ZNF57: variants seen among roughly 807,000 people sequenced by gnomAD.
ZNF57 encodes the protein zinc finger protein 424.
Under a neutral mutation model 13.4 loss-of-function variants are expected in ZNF57, and 11 were observed. The ratio of observed to expected loss-of-function variants is 0.82; its 90% CI spans 0.52 to 1.36. ZNF57 has a LOEUF of 1.36. ZNF57 is among the 40% of genes most tolerant of loss of function. ZNF57 has a pLI of 0.00. For missense variants in ZNF57, 696 were observed against 667.5 expected, an observed-to-expected ratio of 1.04 and a Z score of -0.47; for synonymous variants, 224 against 238.5, an observed-to-expected ratio of 0.94 and a Z score of 0.56.
Position 2,917,330 on chromosome 19 carries a change from G to A in ZNF57, c.709G>A (p.Ala237Thr), listed in dbSNP as rs776708104. The change falls in exon 4 of 4, where the codon GCA (alanine) becomes ACA (threonine). Residue 237 changes from alanine (A) to threonine (T), a missense_variant. Transcript: ENST00000306908. ...EQCRMAFNGF[A>T]SFTRHVRTHT... ...GTGTCGGATGGCGTTTAATGGGTTCGCAAGCTTCACTAGACATGTGAGAAC... is the reference window on the plus strand; with the variant it reads ...GTGTCGGATGGCGTTTAATGGGTTCACAAGCTTCACTAGACATGTGAGAAC... 30 of 1,614,066 alleles carry A rather than the reference G, an allele frequency of 1.9e-5. No individual in the cohort carries two copies. The Admixed American group carries it at 2.3e-4, about 13-fold the overall frequency.
Position 2,916,230 on chromosome 19 carries a change from G to C in ZNF57, c.283G>C (p.Asp95His). Residue 95 changes from aspartate (D) to histidine (H), a missense_variant, in exon 3 of 4, where the codon GAC (aspartate) becomes CAC (histidine). By Grantham distance (81) the Asp-to-His change is moderately conservative. Around this residue, in one of 3 missense-constraint regions of ZNF57, gnomAD observed 645 missense variants for 591.5 expected, o/e 1.09. Coordinates refer to ENST00000306908, the MANE Select transcript of ZNF57 (RefSeq NM_173480.3). ...EKNCEGYGTE[D>H]HHKNLRNHMV... ...AAATTGTGAAGGCTATGGCACTGAA[G>C]ACCACCACAAAAATCTGAGGTGAGT... is the stretch of plus-strand genomic sequence containing the variant. The C allele has an allele frequency of 1.2e-6, 2 of 1,607,318 alleles. No individual in the cohort carries two copies. The highest frequency in any genetic ancestry group is 1.7e-6 in the Non-Finnish European group (2 of 1,177,666).
At chr19:2,916,488 G>A (rs965175691) in intron 3 of ZNF57, 24 of 345,986 alleles carry the variant, frequency 6.9e-5, no homozygotes, top group African/African-American at 2.6e-4. Flanking sequence ...TGAGGCAGGC[G>A]GATCACGAGG....
At position 2,917,847 on chromosome 19, in the gene ZNF57, G is replaced by A. The variant is rs144519491; in HGVS notation, c.1226G>A (p.Gly409Asp). Residue 409 changes from glycine to aspartate, a missense_variant, in exon 4 of 4, where the codon GGT becomes GAT. By Grantham distance (94) the Gly-to-Asp change is moderately conservative (BLOSUM62 -1). This residue lies in a region of ZNF57 where 645 missense variants were observed against 591.5 expected (regional missense o/e 1.09). Transcript: ENST00000306908. The stretch of plus-strand genomic sequence containing the variant: ...TTTACCTCTTCCAGATCATTCCGAG[G>A]TCATTTGAGGACGCACACTGGAGAG... ...KAFTSSRSFR[G>D]HLRTHTGEKP... The A allele has an allele frequency of 1.8e-4, 283 of 1,611,696 alleles. No individual in the cohort carries two copies. The highest frequency in any genetic ancestry group is 2.3e-4 in the Non-Finnish European group (266 of 1,179,218).
At position 2,918,036 on chromosome 19, in the gene ZNF57, G is replaced by T; in HGVS notation, c.1415G>T (p.Gly472Val). 1 of 1,614,158 alleles carries T rather than the reference G, an allele frequency of 6.2e-7. No homozygotes were observed. Among genetic ancestry groups the T allele is most frequent in the Non-Finnish European group, 8.5e-7 (1 of 1,180,014 alleles). Residue 472 changes from glycine (G) to valine (V), a missense_variant, in exon 4 of 4, where the codon GGA becomes GTA. Gly to Val is a moderately radical substitution (Grantham distance 109). Around this residue, in one of 3 missense-constraint regions of ZNF57, gnomAD observed 645 missense variants for 591.5 expected, o/e 1.09. Coordinates refer to ENST00000306908, the MANE Select transcript of ZNF57 (RefSeq NM_173480.3). ...AFQGHLRMHTGEKPYECKQCG... is the reference protein window; with the variant it reads ...AFQGHLRMHTVEKPYECKQCG... ...CAAGGTCATTTGAGGATGCACACTG[G>T]AGAGAAGCCTTATGAGTGTAAACAA...
At chr19:2,916,648 A>C (rs1362492151) in intron 3 of ZNF57, 1 of 265,300 alleles carries the variant, frequency 3.8e-6, no homozygotes, top group South Asian at 7.1e-5. Flanking sequence ...CCTGGGAGGC[A>C]GAGCTTGCAG....
chr19:2,915,377 G>C, intron 1 of ZNF57, 145 bp from the exon 2 acceptor site: 1 of 1,107,170 alleles, frequency 9.0e-7, no homozygotes, highest in South Asian at 1.6e-5. Flanking sequence ...GGAAGTGATT[G>C]TGAATAAGTA....
chr19:2,906,243 G>T (rs1162311887), intron 1 of ZNF57, among the ~76,000 whole-genome samples: 1 of 152,128 alleles, frequency 6.6e-6, no homozygotes, highest in Non-Finnish European at 1.5e-5. Flanking sequence ...TTATAGAGCT[G>T]GGGTCTTGCT....
At chr19:2,911,425 C>T (rs566423570) in intron 1 of ZNF57, among the ~76,000 whole-genome samples, 6 of 151,926 alleles carry the variant, frequency 3.9e-5, no homozygotes, top group South Asian at 4.2e-4. Context: ...CCCAGCTGCT[C>T]GGGAGGCTGA....
At position 2,918,078 on chromosome 19, in the gene ZNF57, C is replaced by T. The variant is rs1168261305; in HGVS notation, c.1457C>T (p.Thr486Ile). The change falls in exon 4 of 4, where the codon ACT becomes ATT. Residue 486 changes from threonine to isoleucine, a missense_variant. Transcript: ENST00000306908. ...TGTAAACAATGTGGAAAAACCTTCA[C>T]TTGGTCCTCAACCTTACATAATCAT... ...YECKQCGKTF[T>I]WSSTLHNHVR... The T allele has an allele frequency of 6.2e-7, 1 of 1,614,166 alleles. No individual in the cohort carries two copies. Among genetic ancestry groups the T allele is most frequent in the Non-Finnish European group, 8.5e-7 (1 of 1,180,016 alleles).
chr19:2,914,073 C>G (rs1340293165), intron 1 of ZNF57, among the ~76,000 whole-genome samples: 2 of 152,160 alleles, frequency 1.3e-5, no homozygotes, highest in Admixed American at 1.3e-4. Context: ...CAGTGTTCTG[C>G]AGATGTCTGC....
In ZNF57 at chr19:2,917,880, A is replaced by G; in HGVS notation, c.1259A>G (p.Tyr420Cys). ...HLRTHTGEKP[Y>C]ECKQCGKTFT... The stretch of plus-strand genomic sequence containing the variant: ...AGGACGCACACTGGAGAGAAGCCTT[A>G]TGAGTGTAAACAATGTGGAAAAACC... Residue 420 changes from tyrosine to cysteine, a missense_variant, in exon 4 of 4, where the codon TAT (tyrosine) becomes TGT (cysteine). Physicochemically the swap from Tyr to Cys is radical, Grantham distance 194. Transcript: ENST00000306908. The G allele has an allele frequency of 1.9e-6, 3 of 1,612,232 alleles. No homozygotes were observed. Among genetic ancestry groups the G allele is most frequent in the Non-Finnish European group, 2.5e-6 (3 of 1,179,262 alleles).
chr19:2,916,481 G>C (rs2088197906), intron 3 of ZNF57: 4 of 365,208 alleles, frequency 1.1e-5, no homozygotes, highest in Non-Finnish European at 2.0e-5. Flanking sequence ...GGGAGGCTGA[G>C]GCAGGCGGAT....
At chr19:2,907,074 C>T (rs2088082733) in intron 1 of ZNF57, 1 of 152,280 alleles carries the variant, frequency 6.6e-6, no homozygotes, top group African/African-American at 2.4e-5. Flanking sequence ...ATCCTGTCGT[C>T]ATTGCATTTT....
intron 2 of ZNF57, 157 bp downstream of exon 2, chr19:2,915,805 C>T: frequency 8.0e-7 from 1 of 1,249,584 alleles, no homozygotes; most frequent in South Asian, 1.3e-5. Flanking sequence ...ACAGTGAAAA[C>T]ATGTGTGAAA....
chr19:2,917,709 C>T lies in ZNF57; in HGVS notation c.1088C>T (p.Pro363Leu). Residue 363 changes from proline (P) to leucine (L), a missense_variant, in exon 4 of 4, where the codon CCT becomes CTT. Coordinates refer to ENST00000306908, the MANE Select transcript of ZNF57 (RefSeq NM_173480.3). ...GHLRTHTGEK[P>L]YECKQCGKAF... is the part of the protein sequence containing the mutation. ...TTGAGGACGCACACTGGAGAGAAAC[C>T]TTATGAGTGTAAACAATGTGGGAAA... 1 of 1,613,848 alleles carries T rather than the reference C, an allele frequency of 6.2e-7. No individual in the cohort carries two copies. Among genetic ancestry groups the T allele is most frequent in the Middle Eastern group, 1.7e-4 (1 of 6,054 alleles).
chr19:2,910,662 A>G (rs111675652), intron 1 of ZNF57, among the ~76,000 whole-genome samples: 4,534 of 113,634 alleles, frequency 0.04, 1,085 homozygotes, highest in African/African-American at 0.13. Flanking sequence ...GGGTTTCACC[A>G]TGTTAGCCAC....
intron 1 of ZNF57, among the ~76,000 whole-genome samples, chr19:2,912,895 T>C (rs2088152510): frequency 6.6e-6 from 1 of 152,206 alleles, no homozygotes. Context: ...TGCATTTCTT[T>C]GATGACTAAT....
chr19:2,901,527 T>TTA (rs758071180), intron 1 of ZNF57, among the ~76,000 whole-genome samples: 5 of 151,358 alleles, frequency 3.3e-5, no homozygotes, highest in Non-Finnish European at 7.4e-5. Flanking sequence ...ATTTTTTTAT[T>TTA]TTTTTTATTT....
At chr19:2,906,457 TGCCAGTG>T (rs1173384743) in intron 1 of ZNF57, among the ~76,000 whole-genome samples, 1 of 152,228 alleles carries the variant, frequency 6.6e-6, no homozygotes, top group Non-Finnish European at 1.5e-5. Context: ...AAGAAAAATA[TGCCAGTG>T]GGGCTCAGAT....
Sources: gnomAD v4.1 joint callset for allele counts (sites outside exome capture counted in the v4.1 genomes callset) on GRCh38, gnomAD v4.1.1 for gene constraint, gnomAD v4.1.1 regional missense constraint, MANE v1.5 for transcripts, NCBI Gene and HGNC (gene_info 2026-07-23, HGNC 2026-07-21) for gene names.